Variants in PRKN observed in about 807,000 individuals in gnomAD.
PRKN encodes the protein parkin RBR E3 ubiquitin protein ligase, also known as E3 ubiquitin-protein ligase parkin.
PRKN carries 56 observed loss-of-function variants against 59.5 expected under a neutral mutation model. The ratio of observed to expected loss-of-function variants is 0.94; its 90% confidence interval spans 0.76 to 1.18. PRKN has a LOEUF of 1.18. Ranked by LOEUF, PRKN falls within the 50% of genes most tolerant of loss-of-function variation. PRKN has a pLI of 0.00. For missense variants in PRKN, 657 were observed against 596.4 expected (o/e 1.10, Z -1.06); for synonymous variants, 250 against 222.1 (o/e 1.13, Z -1.12).
At chr6:161,851,490 T>C (rs1015680737) in intron 6 of PRKN, among the ~76,000 whole-genome samples, 1 of 146,032 alleles carries the variant, frequency 6.8e-6, no homozygotes, top group African/African-American at 2.5e-5. Flanking sequence ...GTTTTGTTTG[T>C]TTTTTTTTTG....
chr6:161,847,593 C>CT (rs11395343), intron 6 of PRKN, among the ~76,000 whole-genome samples: 59,419 of 146,862 alleles, frequency 0.4, 12,178 homozygotes, highest in African/African-American at 0.49. Context: ...TAGTCTTTGC[C>CT]TTTTTTTTTT....
Position 161,458,099 on chromosome 6 carries a change from C to T in PRKN, c.1084-71222G>A, listed in dbSNP as rs1362922105. ...TAAGAAGAAAAAGAGAAATACAGCT[C>T]TTTGTACATTCAGATTCCTTTAGCT... On this transcript the variant is annotated intron_variant, in intron 9 of 11. Transcript: ENST00000366898. The surrounding 1 kb of genome is among the most constrained non-coding windows in gnomAD (Gnocchi z 6.1). 1.3e-5 allele frequency among the ~76,000 whole-genome samples: 2 copies of T among 152,164 alleles called. No homozygotes were observed.
At chr6:162,215,112 T>C (rs200882588) in intron 3 of PRKN, among the ~76,000 whole-genome samples, 1,783 of 152,242 alleles carry the variant, frequency 0.012, 37 homozygotes, top group African/African-American at 0.042. Flanking sequence ...CCCCTCCCCC[T>C]AAATGCCCAC....
At chr6:162,633,244 G>A (rs1019762806) in intron 1 of PRKN, among the ~76,000 whole-genome samples, 1 of 151,600 alleles carries the variant, frequency 6.6e-6, no homozygotes, top group African/African-American at 2.4e-5. Flanking sequence ...GACCAGCCTG[G>A]CCGACGTGGT....
At chr6:161,519,047 G>T (rs1213855247) in intron 9 of PRKN, among the ~76,000 whole-genome samples, 1 of 152,196 alleles carries the variant, frequency 6.6e-6, no homozygotes, top group South Asian at 2.1e-4. Flanking sequence ...CAATGTACTT[G>T]TAACACCCAG....
intron 1 of PRKN, among the ~76,000 whole-genome samples, chr6:162,461,522 A>G (rs1791173415): frequency 6.8e-6 from 1 of 147,482 alleles, no homozygotes; most frequent in South Asian, 2.1e-4. Flanking sequence ...AAAAAAAAAA[A>G]AAAAAAGAAA....
chr6:162,121,183 A>G (rs995435554), intron 4 of PRKN, among the ~76,000 whole-genome samples: 12 of 152,216 alleles, frequency 7.9e-5, no homozygotes, highest in African/African-American at 2.9e-4. Context: ...AATGTTGATC[A>G]TGCTTACCTC....
chr6:162,634,175 T>A lies in PRKN; in HGVS notation c.7+93487A>T, dbSNP rs569768831. 3.0e-3 allele frequency among the ~76,000 whole-genome samples: 462 copies of A among 152,226 alleles called. 4 individuals are homozygous for A. The highest frequency in any genetic ancestry group is 3.5e-3 in the Non-Finnish European group (240 of 68,020). On this transcript the variant is annotated intron_variant, in intron 1 of 11. Transcript: ENST00000366898. ...GGCTGTTCTCCAGGGTTGGAATGCA[T>A]CTGCAGGTGTGGACATCTACCCTCA... is the stretch of plus-strand genomic sequence containing the variant.
At chr6:161,881,975 CACCT>C (rs1332016907) in intron 6 of PRKN, among the ~76,000 whole-genome samples, 1 of 152,162 alleles carries the variant, frequency 6.6e-6, no homozygotes, top group African/African-American at 2.4e-5. Context: ...CCCATCCCCC[CACCT>C]GAGTTTTAAA....
intron 1 of PRKN, among the ~76,000 whole-genome samples, chr6:162,579,181 C>G (rs555889263): frequency 8.4e-4 from 128 of 152,320 alleles, no homozygotes; most frequent in African/African-American, 3.0e-3. Flanking sequence ...TCCTGCGACT[C>G]CCAGTCCATT....
At chr6:162,470,043 A>G (rs74994778) in intron 1 of PRKN, among the ~76,000 whole-genome samples, 7,280 of 152,120 alleles carry the variant, frequency 0.048, 258 homozygotes, top group East Asian at 0.13. Context: ...ATTTTGATTC[A>G]CCATAAAAAG....
rs953304652 is a variant in PRKN, at chr6:161,552,130, G to A, written c.934-3127C>T. Among the ~76,000 whole-genome samples, 13 of 152,320 alleles carry A rather than the reference G, an allele frequency of 8.5e-5. No individual in the cohort carries two copies. The highest frequency in any genetic ancestry group is 2.4e-4 in the African/African-American group (10 of 41,576). On this transcript the variant is annotated intron_variant, in intron 8 of 11. Coordinates refer to ENST00000366898, the MANE Select transcript of PRKN (RefSeq NM_004562.3). The surrounding 1 kb of genome is among the most constrained non-coding windows in gnomAD (Gnocchi z 4.9). ...AGATGATGAATTTAAAGGAAAACTC[G>A]TGAGCAGAGTCTTCTGTTTCTCTGC...
rs780523707 is a variant in PRKN, at chr6:162,054,074, T to G, written c.618+17A>C. ...ATTTTCTTGCAATAAGAGGAATGAA[T>G]GTGACCAGGTACTTACTGCACTAGT... On this transcript the variant is annotated intron_variant, in intron 5 of 11. Coordinates refer to ENST00000366898, the MANE Select transcript of PRKN (RefSeq NM_004562.3). 50 of 1,509,414 alleles carry G rather than the reference T, an allele frequency of 3.3e-5. No homozygotes were observed. Among genetic ancestry groups the G allele is most frequent in the Non-Finnish European group, 4.5e-5 (49 of 1,084,342 alleles). The allele number at this position is 1,509,414 out of a possible 1,614,324, so 93.5% of individuals were successfully genotyped here.
intron 2 of PRKN, among the ~76,000 whole-genome samples, chr6:162,293,460 T>C (rs1315080809): frequency 1.3e-5 from 2 of 152,152 alleles, no homozygotes; most frequent in Non-Finnish European, 2.9e-5. Context: ...ACTTGCTGAG[T>C]TCTCGGACCA....
At chr6:162,320,398 G>A (rs942290094) in intron 2 of PRKN, among the ~76,000 whole-genome samples, 76 of 13,980 alleles carry the variant, frequency 5.4e-3, no homozygotes, top group Admixed American at 0.01. Flanking sequence ...AGCATTTTAA[G>A]ATCAAACAAG....
At chr6:161,624,642 T>C (rs1219646354) in intron 7 of PRKN, among the ~76,000 whole-genome samples, 2 of 152,254 alleles carry the variant, frequency 1.3e-5, no homozygotes, top group East Asian at 3.8e-4. Flanking sequence ...CACATTCGCT[T>C]CTGTTTCCCA....
intron 5 of PRKN, among the ~76,000 whole-genome samples, chr6:162,050,279 CAT>C (rs1048039046): frequency 5.9e-5 from 9 of 152,124 alleles, no homozygotes; most frequent in African/African-American, 1.9e-4. Flanking sequence ...TTTCTGCTCA[CAT>C]GTTTTAGGTA....
rs183879447 is a variant in PRKN, at chr6:161,978,831, G to A, written c.619-5414C>T. ...GTTCTAGCGTGTGCAGGGGTTGGCC[G>A]GGGAAGTTGCTTCTCGGTCACTAGG... On this transcript the variant is annotated intron_variant, in intron 5 of 11. Transcript: ENST00000366898. Among the ~76,000 whole-genome samples, 36 of 152,330 alleles carry A rather than the reference G, an allele frequency of 2.4e-4. 1 individual carries two copies. The East Asian group carries it at 6.6e-3, about 28-fold the overall frequency.
intron 1 of PRKN, among the ~76,000 whole-genome samples, chr6:162,603,440 A>T (rs559046580): frequency 6.6e-6 from 1 of 152,150 alleles, no homozygotes; most frequent in Non-Finnish European, 1.5e-5. Context: ...GCTGGAACCC[A>T]GTCCCACCCG....
Sources: gnomAD v4.1 joint callset for allele counts (sites outside exome capture counted in the v4.1 genomes callset) on GRCh38, gnomAD v4.1.1 for gene constraint, Gnocchi (gnomAD v3.1) non-coding constraint, MANE v1.5 for transcripts, NCBI Gene and HGNC (gene_info 2026-07-23, HGNC 2026-07-21) for gene names.